OSBPL8: variants seen among roughly 807,000 people sequenced by gnomAD.
OSBPL8 encodes the protein oxysterol binding protein like 8, also known as oxysterol-binding protein-related protein 8.
OSBPL8 carries 59 observed loss-of-function variants against 125.5 expected under a neutral mutation model. That is an observed-to-expected ratio of 0.47 (90% CI 0.38 to 0.58). The LOEUF (loss-of-function observed/expected upper bound fraction) is 0.58. Ranked by LOEUF, OSBPL8 falls within the 20% of genes least tolerant of loss-of-function variation. The pLI is 0.00. For missense variants in OSBPL8, 758 were observed against 1,047.8 expected, an observed-to-expected ratio of 0.72 and a Z score of 3.82; for synonymous variants, 330 against 338.9, an observed-to-expected ratio of 0.97 and a Z score of 0.29.
chr12:76,418,257 G>A (rs947224377), intron 4 of OSBPL8, among the ~76,000 whole-genome samples: 1 of 151,864 alleles, frequency 6.6e-6, no homozygotes, highest in Admixed American at 6.6e-5. Context: ...TGCCCACCTC[G>A]GCTTCCCAAT....
At chr12:76,434,299 A>C (rs1465885632) in intron 4 of OSBPL8, among the ~76,000 whole-genome samples, 1 of 152,208 alleles carries the variant, frequency 6.6e-6, no homozygotes, top group Admixed American at 6.5e-5. Flanking sequence ...CTGGATACCC[A>C]CATGCAGAAG....
At chr12:76,542,832 T>C (rs1332565457) in intron 1 of OSBPL8, among the ~76,000 whole-genome samples, 1 of 152,226 alleles carries the variant, frequency 6.6e-6, no homozygotes, top group Non-Finnish European at 1.5e-5. Flanking sequence ...ATCCAGTCCC[T>C]ACCTCCTATA....
At chr12:76,543,983 C>T (rs1404923283) in intron 1 of OSBPL8, among the ~76,000 whole-genome samples, 1 of 152,100 alleles carries the variant, frequency 6.6e-6, no homozygotes, top group African/African-American at 2.4e-5. Flanking sequence ...ATTCATTCGC[C>T]AACACTTTTC....
intron 23 of OSBPL8, 82 bp from the exon 24 acceptor site, chr12:76,356,103 C>G: frequency 1.0e-6 from 1 of 985,718 alleles, no homozygotes; most frequent in Non-Finnish European, 1.4e-6. Context: ...ATTAAACAGT[C>G]ACAGAGCATT....
At chr12:76,362,898 G>A (rs751250110) in intron 21 of OSBPL8, among the ~76,000 whole-genome samples, 9 of 152,036 alleles carry the variant, frequency 5.9e-5, no homozygotes, top group Non-Finnish European at 1.0e-4. Context: ...ATAATAGACA[G>A]AGAGCCAAAT....
intron 1 of OSBPL8, among the ~76,000 whole-genome samples, chr12:76,513,817 T>C (rs1022579569): frequency 6.6e-6 from 1 of 150,770 alleles, no homozygotes; most frequent in Non-Finnish European, 1.5e-5. Flanking sequence ...TTTGAGCCTA[T>C]GAGTGTCATT....
At chr12:76,426,660 T>C (rs1870186024) in intron 4 of OSBPL8, among the ~76,000 whole-genome samples, 2 of 152,164 alleles carry the variant, frequency 1.3e-5, no homozygotes, top group African/African-American at 2.4e-5. Context: ...TATTATTATA[T>C]TAACTGTAAA....
chr12:76,431,984 CAA>C (rs1007500325), intron 4 of OSBPL8, among the ~76,000 whole-genome samples: 1 of 151,670 alleles, frequency 6.6e-6, no homozygotes, highest in African/African-American at 2.4e-5. Flanking sequence ...GTTAGGTAAC[CAA>C]AAAAGTCTTA....
intron 4 of OSBPL8, among the ~76,000 whole-genome samples, chr12:76,411,140 C>CA (rs955652583): frequency 1.1e-4 from 17 of 152,244 alleles, no homozygotes; most frequent in African/African-American, 3.8e-4. Flanking sequence ...AGCATACATT[C>CA]AATTAATGTT....
chr12:76,410,398 C>T (rs1262715535), intron 5 of OSBPL8, among the ~76,000 whole-genome samples, 166 bp downstream of exon 5: 4 of 152,210 alleles, frequency 2.6e-5, no homozygotes, highest in African/African-American at 7.2e-5. Flanking sequence ...GCCAACAATA[C>T]TTATATTAGC....
chr12:76,414,742 C>CAT (rs1868413548), intron 4 of OSBPL8, among the ~76,000 whole-genome samples: 1 of 152,032 alleles, frequency 6.6e-6, no homozygotes, highest in South Asian at 2.1e-4. Flanking sequence ...TATAAGCCAC[C>CAT]ATGTCCAGCT....
intron 16 of OSBPL8, among the ~76,000 whole-genome samples, chr12:76,375,911 T>A (rs1054944523): frequency 1.6e-4 from 24 of 152,192 alleles, no homozygotes; most frequent in African/African-American, 5.3e-4. Context: ...AGGGAAAATG[T>A]GTGTTAAAAG....
intron 1 of OSBPL8, among the ~76,000 whole-genome samples, chr12:76,526,187 T>C (rs1246897963): frequency 6.6e-6 from 1 of 152,228 alleles, no homozygotes; most frequent in Non-Finnish European, 1.5e-5. Flanking sequence ...TTACATGTCG[T>C]CTTATGACAG....
chr12:76,496,028 C>T (rs906906447), intron 1 of OSBPL8, among the ~76,000 whole-genome samples: 1 of 149,674 alleles, frequency 6.7e-6, no homozygotes. Context: ...GATCACCTTA[C>T]TTGCACATTC....
chr12:76,527,547 T>C (rs1183977272), intron 1 of OSBPL8, among the ~76,000 whole-genome samples: 3 of 152,228 alleles, frequency 2.0e-5, no homozygotes, highest in African/African-American at 7.2e-5. Context: ...AAACCACAGC[T>C]ATAATACATG....
intron 1 of OSBPL8, among the ~76,000 whole-genome samples, chr12:76,555,960 C>G (rs1477907636): frequency 2.0e-5 from 3 of 152,138 alleles, no homozygotes; most frequent in African/African-American, 7.2e-5. Flanking sequence ...TTGTCTACCC[C>G]CTTAGACACT....
At chr12:76,411,374 T>C (rs1444376143) in intron 4 of OSBPL8, among the ~76,000 whole-genome samples, 1 of 152,144 alleles carries the variant, frequency 6.6e-6, no homozygotes, top group Non-Finnish European at 1.5e-5. Context: ...GAGGTTTTTC[T>C]ATTTTTGAGG....
intron 2 of OSBPL8, among the ~76,000 whole-genome samples, chr12:76,465,132 C>T (rs970924004): frequency 6.6e-6 from 1 of 152,170 alleles, no homozygotes; most frequent in African/African-American, 2.4e-5. Context: ...TGTCTCGGAA[C>T]TACAGCTTAT....
At chr12:76,549,130 G>A (rs1240756964) in intron 1 of OSBPL8, among the ~76,000 whole-genome samples, 1 of 152,026 alleles carries the variant, frequency 6.6e-6, no homozygotes, top group East Asian at 1.9e-4. Flanking sequence ...TATAAAAGAT[G>A]AGAGAAGGAA....
Sources: allele counts gnomAD v4.1 joint callset (sites outside exome capture counted in the v4.1 genomes callset), GRCh38; gene constraint gnomAD v4.1.1; transcripts MANE v1.5; gene names NCBI Gene and HGNC (gene_info 2026-07-23, HGNC 2026-07-21).